Variants in ERI1 observed in about 807,000 individuals in gnomAD.
The protein encoded by ERI1 is 3'-5' exoribonuclease 1.
Under a neutral mutation model 39.7 loss-of-function variants are expected in ERI1, and 39 were observed. That is an observed-to-expected ratio of 0.98 (90% CI 0.76 to 1.28). ERI1 has a LOEUF of 1.28. Among genes scored for constraint, ERI1 ranks in the 50% most tolerant of loss-of-function variants. The probability of loss-of-function intolerance (pLI) is 0.00; values close to 1 mark genes in which losing one functional copy is unlikely to be tolerated. For synonymous variants in ERI1, 204 were observed against 149.6 expected, an observed-to-expected ratio of 1.36 and a Z score of -2.65; for missense variants, 581 against 416.9, an observed-to-expected ratio of 1.39 and a Z score of -3.43.
intron 3 of ERI1, among the ~76,000 whole-genome samples, chr8:9,059,876 T>A (rs1367932930): frequency 1.3e-5 from 2 of 152,220 alleles, no homozygotes; most frequent in Middle Eastern, 3.4e-3. Context: ...ATAGTAGGGA[T>A]GACAAGTTTT....
intron 3 of ERI1, among the ~76,000 whole-genome samples, chr8:9,085,743 A>G (rs1252763613): frequency 6.6e-6 from 1 of 152,078 alleles, no homozygotes; most frequent in African/African-American, 2.4e-5. Flanking sequence ...GGAGGAGTCA[A>G]TAAGAATTAA....
At chr8:9,029,667 GC>G in intron 6 of ERI1, 124 bp from the exon 7 acceptor site, 1 of 1,154,078 alleles carries the variant, frequency 8.7e-7, no homozygotes, top group Non-Finnish European at 1.2e-6. Flanking sequence ...TGGGGGTATT[GC>G]CCTTTGCCTA....
At chr8:9,016,549 A>T (rs528005713) in intron 4 of ERI1, 144 bp downstream of exon 4, 356 of 201,384 alleles carry the variant, frequency 1.8e-3, no homozygotes, top group Non-Finnish European at 2.5e-3. Flanking sequence ...TGTAATAATT[A>T]AAAAAAAAAA....
chr8:9,089,564 A>C (rs552984811), intron 3 of ERI1, among the ~76,000 whole-genome samples: 2 of 152,266 alleles, frequency 1.3e-5, no homozygotes, highest in East Asian at 3.9e-4. Flanking sequence ...TATGAGGAGG[A>C]AGCAGAGAGG....
At chr8:9,027,694 G>A (rs1044574098) in intron 6 of ERI1, among the ~76,000 whole-genome samples, 12 of 152,224 alleles carry the variant, frequency 7.9e-5, no homozygotes, top group Middle Eastern at 3.4e-3. Context: ...TCTTTTGCAC[G>A]TGGATATTCA....
At chr8:9,048,543 T>C (rs1798251826) in intron 3 of ERI1, 1 of 154,150 alleles carries the variant, frequency 6.5e-6, no homozygotes, top group South Asian at 2.0e-4. Context: ...CTATAAACTG[T>C]GGTCACTCTT....
downstream of ERI1, among the ~76,000 whole-genome samples, chr8:9,033,765 C>G (rs1052652144): frequency 2.6e-5 from 4 of 152,096 alleles, no homozygotes; most frequent in African/African-American, 9.7e-5. Flanking sequence ...GAGCCTTGCT[C>G]TTTATCTCTG....
downstream of ERI1, among the ~76,000 whole-genome samples, chr8:9,034,850 A>G (rs755312769): frequency 6.6e-6 from 1 of 152,250 alleles, no homozygotes; most frequent in Non-Finnish European, 1.5e-5. Flanking sequence ...TTGTAAACCC[A>G]AAGGAAAAGT....
In ERI1 at chr8:9,032,797, A is replaced by G. The variant is rs975865599; in HGVS notation, c.*2763A>G. ...GGGAAGAAGCACAGGTGGTCAAGATAATAATGCATGTTTGGCCTCAGCTGT... is the reference window on the plus strand; with the variant it reads ...GGGAAGAAGCACAGGTGGTCAAGATGATAATGCATGTTTGGCCTCAGCTGT... On this transcript the variant is annotated 3_prime_UTR_variant, in exon 7 of 7. Transcript: ENST00000250263. 5 of 152,204 alleles carry G rather than the reference A, an allele frequency of 3.3e-5. No homozygotes were observed. Among genetic ancestry groups the G allele is most frequent in the East Asian group, 3.9e-4 (2 of 5,192 alleles). 9.4% of individuals were successfully genotyped at this position (152,204 alleles called of 1,614,324 possible).
intron 3 of ERI1, among the ~76,000 whole-genome samples, chr8:9,052,542 C>T (rs1231182155): frequency 2.6e-5 from 4 of 152,064 alleles, no homozygotes; most frequent in South Asian, 2.1e-4. Context: ...TACCCGTGAA[C>T]GAATCAAGGA....
At chr8:9,091,822 A>G (rs1799714584) in intron 3 of ERI1, among the ~76,000 whole-genome samples, 1 of 152,256 alleles carries the variant, frequency 6.6e-6, no homozygotes, top group Non-Finnish European at 1.5e-5. Context: ...TTACAATAGT[A>G]TTTCAGAATC....
chr8:9,061,791 G>A (rs1264395361), intron 3 of ERI1, among the ~76,000 whole-genome samples: 2 of 150,370 alleles, frequency 1.3e-5, no homozygotes. Flanking sequence ...GAAGTAATGG[G>A]TGCTGTCCGT....
intron 3 of ERI1, among the ~76,000 whole-genome samples, chr8:9,053,018 T>A (rs1798407177): frequency 6.6e-6 from 1 of 152,126 alleles, no homozygotes; most frequent in African/African-American, 2.4e-5. Flanking sequence ...TTTTTGTTTT[T>A]GTTTTTGTTT....
intron 3 of ERI1, among the ~76,000 whole-genome samples, chr8:9,084,813 A>C (rs1799475482): frequency 6.6e-6 from 1 of 151,884 alleles, no homozygotes; most frequent in South Asian, 2.1e-4. Context: ...CTGATACAAA[A>C]GCTGATCATT....
intron 1 of ERI1, among the ~76,000 whole-genome samples, chr8:9,006,803 C>G (rs1316215114): frequency 1.3e-5 from 2 of 152,108 alleles, no homozygotes; most frequent in African/African-American, 2.4e-5. Flanking sequence ...CTTGAGTACT[C>G]TGGCACCTTA....
intron 3 of ERI1, among the ~76,000 whole-genome samples, chr8:9,077,333 G>C (rs1362896922): frequency 6.6e-6 from 1 of 152,104 alleles, no homozygotes; most frequent in East Asian, 1.9e-4. Flanking sequence ...AGAGGCAAAG[G>C]GAACTTTCCT....
At position 9,003,054 on chromosome 8, in the gene ERI1, G is replaced by A; in HGVS notation, c.-10G>A. On this transcript the variant is annotated 5_prime_UTR_variant, in exon 1 of 7. Transcript: ENST00000250263. ...GGCTCCAGCAACTCTCCTCTGGCGTGACAGCCGGCATGGAGGATCCACAGA... is the reference window on the plus strand; with the variant it reads ...GGCTCCAGCAACTCTCCTCTGGCGTAACAGCCGGCATGGAGGATCCACAGA... 3 of 1,245,702 alleles carry A rather than the reference G, an allele frequency of 2.4e-6. No individual in the cohort carries two copies. The highest frequency in any genetic ancestry group is 2.0e-6 in the Non-Finnish European group (2 of 986,644). The allele number at this position is 1,245,702 out of a possible 1,614,324, so 77.2% of individuals were successfully genotyped here. A position where few individuals can be genotyped will look rare whatever the true frequency, so the allele number is the denominator to read the frequency against.
intron 3 of ERI1, among the ~76,000 whole-genome samples, chr8:9,095,560 C>A (rs1464768788): frequency 6.6e-6 from 1 of 151,968 alleles, no homozygotes; most frequent in East Asian, 1.9e-4. Context: ...GGCTGGAGTG[C>A]AGTAGCCTGA....
intron 3 of ERI1, among the ~76,000 whole-genome samples, chr8:9,061,874 G>A (rs745471112): frequency 2.0e-5 from 3 of 151,806 alleles, no homozygotes; most frequent in Middle Eastern, 3.4e-3. Flanking sequence ...AAGGGAAAGC[G>A]AAGAGAGGCT....
Sources: allele counts gnomAD v4.1 joint callset (sites outside exome capture counted in the v4.1 genomes callset), GRCh38; gene constraint gnomAD v4.1.1; transcripts MANE v1.5; gene names NCBI Gene and HGNC (gene_info 2026-07-23, HGNC 2026-07-21).